SLC1A7: variants seen among roughly 807,000 people sequenced by gnomAD.
SLC1A7 encodes excitatory amino acid transporter 5.
A neutral mutation model predicts 47.7 loss-of-function variants in SLC1A7; 40 were observed. The ratio of observed to expected loss-of-function variants is 0.84; its 90% CI spans 0.65 to 1.09. SLC1A7 has a LOEUF of 1.09. Ranked by LOEUF, SLC1A7 falls within the 50% of genes least tolerant of loss-of-function variation. The pLI is 0.00. For synonymous variants in SLC1A7, 323 were observed against 325.6 expected (o/e 0.99, Z 0.09); for missense variants, 746 against 769.5 (o/e 0.97, Z 0.36).
At chr1:53,104,463 C>G (rs1219739007) in intron 4 of SLC1A7, among the ~76,000 whole-genome samples, 1 of 152,178 alleles carries the variant, frequency 6.6e-6, no homozygotes, top group East Asian at 1.9e-4. Context: ...GTTAGCTTCA[C>G]AAAGAAGGGG....
At position 53,103,395 on chromosome 1, in the gene SLC1A7, G is replaced by A. The variant is rs1184359551; in HGVS notation, c.648C>T (p.Thr216=). ...TGCCCAGCACATTCATGCCATCGCT[G>A]GTGCCCGGCTCTGACTTGTAAACGA... ...PEVVYKSEPG[T]SDGMNVLGIV... Residue 216 remains threonine (T), a synonymous_variant, in exon 5 of 11, where the codon ACC becomes ACT. Coordinates refer to ENST00000371494, the MANE Select transcript of SLC1A7 (RefSeq NM_006671.6). 1 of 1,610,806 alleles carries A rather than the reference G, an allele frequency of 6.2e-7. No homozygotes were observed.
At chr1:53,123,325 G>A (rs1229470903) in intron 2 of SLC1A7, among the ~76,000 whole-genome samples, 3 of 152,196 alleles carry the variant, frequency 2.0e-5, no homozygotes, top group South Asian at 2.1e-4. Context: ...AGTCTGCCCC[G>A]CACAGGGCTC....
intron 9 of SLC1A7, among the ~76,000 whole-genome samples, chr1:53,089,530 C>T (rs1644396426): frequency 6.6e-6 from 1 of 152,220 alleles, no homozygotes; most frequent in Admixed American, 6.5e-5. Flanking sequence ...CTGCCATGGC[C>T]TCTCAAAGTT....
chr1:53,114,635 A>AGGGTGAT (rs1229472520), intron 3 of SLC1A7, 123 bp downstream of exon 3: 1 of 817,560 alleles, frequency 1.2e-6, no homozygotes, highest in African/African-American at 1.7e-5. Flanking sequence ...AGCTCAACCC[A>AGGGTGAT]CCAGGGTGAT....
At chr1:53,126,294 G>A in intron 2 of SLC1A7, among the ~76,000 whole-genome samples, 1 of 152,220 alleles carries the variant, frequency 6.6e-6, no homozygotes, top group East Asian at 1.9e-4. Context: ...CCCTCACCTG[G>A]GGAAGAGCCC....
chr1:53,105,623 C>T (rs997844789), intron 4 of SLC1A7, 109 bp downstream of exon 4: 10 of 888,530 alleles, frequency 1.1e-5, no homozygotes, highest in East Asian at 2.4e-5. Context: ...CAGCAGACAG[C>T]GTGACTGGCC....
intron 3 of SLC1A7, among the ~76,000 whole-genome samples, chr1:53,107,435 TCA>T (rs1271265678): frequency 6.6e-6 from 1 of 152,220 alleles, no homozygotes; most frequent in Non-Finnish European, 1.5e-5. Flanking sequence ...ATTTAATTTC[TCA>T]GTTTTGACTA....
intron 7 of SLC1A7, among the ~76,000 whole-genome samples, chr1:53,091,707 A>T (rs1406376703): frequency 6.6e-6 from 1 of 152,134 alleles, no homozygotes; most frequent in African/African-American, 2.4e-5. Flanking sequence ...TTACAGATGG[A>T]AAAACTGAGA....
At chr1:53,114,692 T>C (rs1436187284) in intron 3 of SLC1A7, 66 bp downstream of exon 3, 2 of 1,421,376 alleles carry the variant, frequency 1.4e-6, no homozygotes, top group Non-Finnish European at 2.0e-6. Flanking sequence ...TCCTGGCCTC[T>C]GGGGGACCTG....
chr1:53,118,212 C>T (rs1284053128), intron 2 of SLC1A7, among the ~76,000 whole-genome samples: 1 of 152,238 alleles, frequency 6.6e-6, no homozygotes, highest in Admixed American at 6.5e-5. Context: ...GCTTCAAGGT[C>T]AAGCTGTTAA....
At chr1:53,102,386 C>T (rs1276007270) in intron 5 of SLC1A7, 1 of 152,358 alleles carries the variant, frequency 6.6e-6, no homozygotes, top group East Asian at 1.9e-4. Flanking sequence ...GATATCCTTG[C>T]AATCGAGTCT....
chr1:53,100,726 G>GGTACACTCATATATACCACCTCA (rs148828865), intron 5 of SLC1A7, among the ~76,000 whole-genome samples: 3 of 147,366 alleles, frequency 2.0e-5, no homozygotes, highest in African/African-American at 7.6e-5. Flanking sequence ...ATACCACCTC[G>GGTACACTCATATATACCACCTCA]GTACACTCAC....
intron 1 of SLC1A7, among the ~76,000 whole-genome samples, chr1:53,137,899 C>A (rs906928018): frequency 7.9e-5 from 12 of 152,234 alleles, no homozygotes; most frequent in African/African-American, 2.9e-4. Flanking sequence ...TGGGACTTGT[C>A]CTTTAGAGGG....
chr1:53,114,066 G>A (rs1644728531), intron 3 of SLC1A7, among the ~76,000 whole-genome samples: 1 of 152,170 alleles, frequency 6.6e-6, no homozygotes, highest in African/African-American at 2.4e-5. Flanking sequence ...TCCAGGGCAA[G>A]GGCTGGCTCT....
intron 3 of SLC1A7, among the ~76,000 whole-genome samples, chr1:53,106,943 T>C (rs933251981): frequency 1.3e-5 from 2 of 151,862 alleles, no homozygotes; most frequent in African/African-American, 2.4e-5. Flanking sequence ...TCACCTGAGG[T>C]CAGGAGTTTG....
In SLC1A7 at chr1:53,101,945, G is replaced by GCCCTGCCTCGGT. The variant is rs1644588673; in HGVS notation, c.697+1400_697+1401insACCGAGGCAGGG. The stretch of plus-strand genomic sequence containing the variant: ...ACGCCCTGCCTCGGTACCCTCATAC[G>GCCCTGCCTCGGT]ACCTGCCTCAGTACACTCACACAAA... On this transcript the variant is annotated intron_variant, in intron 5 of 10. Coordinates refer to ENST00000371494, the MANE Select transcript of SLC1A7 (RefSeq NM_006671.6). Among the ~76,000 whole-genome samples the GCCCTGCCTCGGT allele has an allele frequency of 2.0e-5, 3 of 151,374 alleles. No homozygotes were observed. In the South Asian group the frequency reaches 6.3e-4, roughly 32 times the overall value.
At chr1:53,095,926 C>T (rs1211267624) in intron 5 of SLC1A7, among the ~76,000 whole-genome samples, 1 of 150,996 alleles carries the variant, frequency 6.6e-6, no homozygotes, top group East Asian at 2.0e-4. Flanking sequence ...TCGGTACACT[C>T]ACACAAACTG....
intron 1 of SLC1A7, 144 bp downstream of exon 1, chr1:53,142,171 T>G (rs1645064607): frequency 2.2e-6 from 2 of 907,552 alleles, no homozygotes; most frequent in Non-Finnish European, 3.2e-6. Context: ...ATGTTACAGA[T>G]GAGAAAACCA....
chr1:53,139,371 A>C (rs573035062), intron 1 of SLC1A7, among the ~76,000 whole-genome samples: 1 of 152,378 alleles, frequency 6.6e-6, no homozygotes, highest in East Asian at 1.9e-4. Flanking sequence ...GACCCCACTC[A>C]GACAAGGATG....
Sources: gnomAD v4.1 joint callset for allele counts (sites outside exome capture counted in the v4.1 genomes callset) on GRCh38, gnomAD v4.1.1 for gene constraint, MANE v1.5 for transcripts, NCBI Gene and HGNC (gene_info 2026-07-23, HGNC 2026-07-21) for gene names.